The following RAB3GAP2 variants were observed in gnomAD, a reference collection of about 807,000 sequenced individuals.
RAB3GAP2 encodes rab3 GTPase-activating protein non-catalytic subunit.
In RAB3GAP2, 87 loss-of-function variants were observed where a neutral mutation model predicts 185.3. That is an observed-to-expected ratio of 0.47 (90% confidence interval 0.39 to 0.56). The LOEUF is 0.56. Among genes scored for constraint, RAB3GAP2 ranks in the 20% least tolerant of loss-of-function variants. RAB3GAP2 has a pLI of 0.00. For synonymous variants in RAB3GAP2, 554 were observed against 576.1 expected (o/e 0.96, Z 0.55); for missense variants, 1,492 against 1,638.2 (o/e 0.91, Z 1.54).
chr1:220,169,999 G>A (rs1455600003), intron 24 of RAB3GAP2, among the ~76,000 whole-genome samples: 4 of 152,100 alleles, frequency 2.6e-5, no homozygotes, highest in Non-Finnish European at 4.4e-5. Context: ...ATTCATAATA[G>A]CAAAGACTTG....
At chr1:220,214,144 GACAA>G (rs1558158291) in intron 2 of RAB3GAP2, among the ~76,000 whole-genome samples, 165 bp from the exon 3 acceptor site, 1 of 152,122 alleles carries the variant, frequency 6.6e-6, no homozygotes, top group Non-Finnish European at 1.5e-5. Context: ...AAAGATGGCT[GACAA>G]ACAAAATACC....
intron 8 of RAB3GAP2, among the ~76,000 whole-genome samples, chr1:220,202,593 G>T (rs1447408578): frequency 3.3e-5 from 5 of 152,074 alleles, no homozygotes; most frequent in Admixed American, 6.5e-5. Context: ...AAAGATTCTG[G>T]AACACTCCAG....
chr1:220,241,953 A>G (rs1399456488), intron 1 of RAB3GAP2, among the ~76,000 whole-genome samples: 1 of 152,136 alleles, frequency 6.6e-6, no homozygotes, highest in Non-Finnish European at 1.5e-5. Context: ...AGGTAAAGGT[A>G]TGCAAAAATT....
intron 20 of RAB3GAP2, 155 bp downstream of exon 20, chr1:220,182,563 C>A (rs756087613): frequency 1.6e-6 from 2 of 1,219,854 alleles, no homozygotes; most frequent in Non-Finnish European, 2.2e-6. Context: ...AACCTGTTGA[C>A]CAGAGTATCT....
At chr1:220,181,346 G>C (rs1658400866) in intron 21 of RAB3GAP2, among the ~76,000 whole-genome samples, 2 of 152,098 alleles carry the variant, frequency 1.3e-5, no homozygotes, top group South Asian at 2.1e-4. Flanking sequence ...TGGTAATGGA[G>C]GGGGAGGTTC....
intron 28 of RAB3GAP2, among the ~76,000 whole-genome samples, chr1:220,160,948 T>C (rs1383851685): frequency 6.6e-6 from 1 of 152,232 alleles, no homozygotes; most frequent in African/African-American, 2.4e-5. Context: ...TAAAGACTTA[T>C]CCAATCACAA....
intron 31 of RAB3GAP2, 66 bp downstream of exon 31, chr1:220,157,204 T>C (rs1657873070): frequency 3.6e-6 from 5 of 1,370,718 alleles, no homozygotes; most frequent in East Asian, 2.4e-5. Context: ...CTATTAAATA[T>C]GAAAATCCAT....
At chr1:220,238,218 CT>C (rs941853091) in intron 1 of RAB3GAP2, among the ~76,000 whole-genome samples, 1 of 151,918 alleles carries the variant, frequency 6.6e-6, no homozygotes. Context: ...TTTTTTTTCT[CT>C]TTTTTTGTAG....
intron 33 of RAB3GAP2, 116 bp downstream of exon 33, chr1:220,153,069 T>C (rs1463554917): frequency 5.0e-6 from 4 of 793,894 alleles, no homozygotes; most frequent in Middle Eastern, 3.5e-4. Flanking sequence ...TTTTTATACC[T>C]AGATGTTCTA....
chr1:220,217,964 C>A (rs150564433), intron 2 of RAB3GAP2, among the ~76,000 whole-genome samples: 11 of 152,226 alleles, frequency 7.2e-5, no homozygotes, highest in Middle Eastern at 3.4e-3. Context: ...ATCTCAGAAG[C>A]AAACATGAAT....
chr1:220,250,694 G>A (rs182993170), intron 1 of RAB3GAP2, among the ~76,000 whole-genome samples: 37 of 152,262 alleles, frequency 2.4e-4, no homozygotes, highest in Non-Finnish European at 3.8e-4. Flanking sequence ...CTGGTGGTAG[G>A]TAATTGAATC....
chr1:220,213,734 G>GA, intron 3 of RAB3GAP2, 122 bp downstream of exon 3: 1 of 599,522 alleles, frequency 1.7e-6, no homozygotes, highest in Non-Finnish European at 2.3e-6. Flanking sequence ...GGAGGAGTTG[G>GA]GGGGGGGGGG....
intron 1 of RAB3GAP2, among the ~76,000 whole-genome samples, chr1:220,257,093 A>G (rs1006105167): frequency 2.0e-5 from 3 of 152,344 alleles, no homozygotes; most frequent in African/African-American, 4.8e-5. Flanking sequence ...AAATTCACTC[A>G]AAAGGCTGGG....
chr1:220,218,556 A>AGGGT (rs1659243536), intron 2 of RAB3GAP2, among the ~76,000 whole-genome samples: 2 of 152,102 alleles, frequency 1.3e-5, no homozygotes, highest in African/African-American at 4.8e-5. Context: ...ACTTGGACAC[A>AGGGT]GGGTGGGGAA....
chr1:220,209,631 G>A (rs74680241), intron 7 of RAB3GAP2, among the ~76,000 whole-genome samples: 10,502 of 151,878 alleles, frequency 0.069, 485 homozygotes, highest in South Asian at 0.13. Flanking sequence ...TCTCTCCTAC[G>A]AGATAGTTAA....
intron 2 of RAB3GAP2, among the ~76,000 whole-genome samples, chr1:220,227,362 C>T (rs1447322112): frequency 2.0e-5 from 3 of 152,192 alleles, no homozygotes; most frequent in African/African-American, 7.2e-5. Flanking sequence ...AAAAAAGAGG[C>T]TTTCTCCTTT....
chr1:220,153,600 T>C (rs1657802532), intron 32 of RAB3GAP2, 194 bp from the exon 33 acceptor site: 1 of 347,634 alleles, frequency 2.9e-6, no homozygotes, highest in East Asian at 5.3e-5. Context: ...TTAAATATTA[T>C]TATTATTTTT....
intron 11 of RAB3GAP2, 28 bp from the exon 12 acceptor site, chr1:220,195,195 A>G (rs368375717): frequency 5.7e-5 from 92 of 1,612,332 alleles, no homozygotes; most frequent in Non-Finnish European, 7.6e-6. Context: ...TTAGAATATA[A>G]AACTGAGCTT....
intron 17 of RAB3GAP2, among the ~76,000 whole-genome samples, chr1:220,188,314 A>G (rs1296267918): frequency 3.3e-5 from 5 of 152,190 alleles, no homozygotes; most frequent in African/African-American, 1.2e-4. Flanking sequence ...GCTATGATTA[A>G]CATACATGAA....
Sources: allele counts gnomAD v4.1 joint callset (sites outside exome capture counted in the v4.1 genomes callset), GRCh38; gene constraint gnomAD v4.1.1; transcripts MANE v1.5; gene names NCBI Gene and HGNC (gene_info 2026-07-23, HGNC 2026-07-21).